Variants in SREK1 observed in about 807,000 individuals in gnomAD.
The protein encoded by SREK1 is splicing regulatory glutamine/lysine-rich protein 1.
A neutral mutation model predicts 66.5 loss-of-function variants in SREK1; 13 were observed. That is an observed-to-expected ratio of 0.20 (90% CI 0.13 to 0.31). SREK1 has a LOEUF of 0.31. Ranked by LOEUF, SREK1 falls within the 10% of genes least tolerant of loss-of-function variation. The pLI, the probability that SREK1 is intolerant of heterozygous loss-of-function variation, is 1.00. For missense variants in SREK1, 607 were observed against 769.6 expected, an observed-to-expected ratio of 0.79 and a Z score of 2.50; for synonymous variants, 265 against 263.5, an observed-to-expected ratio of 1.01 and a Z score of -0.05.
At chr5:66,172,521 G>A (rs1190038369) in intron 9 of SREK1, among the ~76,000 whole-genome samples, 1 of 152,054 alleles carries the variant, frequency 6.6e-6, no homozygotes, top group Non-Finnish European at 1.5e-5. Context: ...TCAGCCTCCC[G>A]AGTAGCTGGG....
In SREK1 at chr5:66,144,362, G is replaced by T. The variant is rs141516910; in HGVS notation, c.-15G>T. 4 of 1,531,454 alleles carry T rather than the reference G, an allele frequency of 2.6e-6. No homozygotes were observed. In the African/African-American group the frequency reaches 5.5e-5, roughly 21 times the overall value. 94.9% of individuals were successfully genotyped at this position (1,531,454 alleles called of 1,614,324 possible). On this transcript the variant is annotated 5_prime_UTR_variant, in exon 1 of 12. Coordinates refer to ENST00000334121, the MANE Select transcript of SREK1 (RefSeq NM_001077199.3). ...AGACGTTGGGGAGCGGGAAGGCAAC[G>T]GCAGCGGGATCGGGATGAACAGCGG...
At chr5:66,163,594 T>A (rs1413557760) in intron 5 of SREK1, 198 bp from the exon 6 acceptor site, 1 of 423,126 alleles carries the variant, frequency 2.4e-6, no homozygotes, top group Non-Finnish European at 4.0e-6. Context: ...TGCTTTTGGT[T>A]GTATTCGCAA....
chr5:66,165,833 G>A (rs943666220), intron 7 of SREK1: 6 of 152,120 alleles, frequency 3.9e-5, no homozygotes, highest in African/African-American at 1.4e-4. Context: ...AAAGGAACCA[G>A]TTTGTTGTAC....
intron 7 of SREK1, chr5:66,166,584 C>T (rs1291399274): frequency 1.3e-5 from 2 of 152,166 alleles, no homozygotes; most frequent in African/African-American, 4.8e-5. Context: ...GATCCTCCCA[C>T]CTCAGCTTCT....
chr5:66,174,423 T>C (rs1337756179), intron 9 of SREK1, among the ~76,000 whole-genome samples: 3 of 152,142 alleles, frequency 2.0e-5, no homozygotes, highest in Non-Finnish European at 2.9e-5. Flanking sequence ...TCTAAAATGA[T>C]AGTAATGTAA....
At position 66,149,149 on chromosome 5, in the gene SREK1, CG is replaced by C. The variant is rs1743535196; in HGVS notation, c.162-4313del. Among the ~76,000 whole-genome samples the C allele has an allele frequency of 2.0e-5, 3 of 152,092 alleles. No individual in the cohort carries two copies. The East Asian group carries it at 5.8e-4, about 29-fold the overall frequency. On this transcript the variant is annotated intron_variant, in intron 1 of 11. Coordinates refer to ENST00000334121, the MANE Select transcript of SREK1 (RefSeq NM_001077199.3). ...CAGGCGGATCACGAGGTCAGGAGTT[CG>C]AGACCTGTCTGGCCAACATAGTGAA... is the stretch of plus-strand genomic sequence containing the variant.
intron 2 of SREK1, chr5:66,156,695 C>T: frequency 1.1e-5 from 11 of 985,010 alleles, no homozygotes; most frequent in Non-Finnish European, 1.3e-5. Context: ...ATATAACAAT[C>T]TGGGAGTAAA....
intron 3 of SREK1, among the ~76,000 whole-genome samples, chr5:66,161,730 G>C (rs556751569): frequency 1.4e-4 from 22 of 152,286 alleles, no homozygotes; most frequent in African/African-American, 5.1e-4. Context: ...TATTTTACTA[G>C]TTAATGTAAA....
At chr5:66,165,068 A>C in intron 7 of SREK1, 171 bp downstream of exon 7, 1 of 529,164 alleles carries the variant, frequency 1.9e-6, no homozygotes, top group Non-Finnish European at 3.1e-6. Flanking sequence ...TTGAGAATGA[A>C]ATTTTGTCTA....
At chr5:66,155,839 A>G (rs899117950) in intron 2 of SREK1, among the ~76,000 whole-genome samples, 5 of 152,226 alleles carry the variant, frequency 3.3e-5, no homozygotes, top group Non-Finnish European at 7.3e-5. Context: ...TCAAAATAAA[A>G]TATGCTTTCA....
Position 66,178,832 on chromosome 5 carries a change from T to A in SREK1, c.1839T>A (p.Asn613Lys). The part of the protein sequence containing the change: ...KIQHNGNCQL[N>K]EENLSTKTEA... ...AGCACAATGGGAATTGTCAGCTGAA[T>A]GAAGAAAACCTCTCTACCAAAACAG... The change falls in exon 12 of 12, where the codon AAT becomes AAA. Residue 613 changes from asparagine to lysine, a missense_variant. Physicochemically the swap from Asn to Lys is moderately conservative, Grantham distance 94. Around this residue, in one of 5 missense-constraint regions of SREK1, gnomAD observed 318 missense variants for 310.3 expected, o/e 1.02. Transcript: ENST00000334121. 6.2e-7 allele frequency: 1 copy of A among 1,612,492 alleles called. No individual in the cohort carries two copies. Among genetic ancestry groups the A allele is most frequent in the Non-Finnish European group, 8.5e-7 (1 of 1,178,878 alleles).
chr5:66,155,042 T>C (rs878940450), intron 2 of SREK1, among the ~76,000 whole-genome samples: 1 of 144,984 alleles, frequency 6.9e-6, no homozygotes, highest in Admixed American at 6.9e-5. Flanking sequence ...TATTACTGAA[T>C]TGGAAGGAAG....
chr5:66,155,498 A>G (rs768142288), intron 2 of SREK1, among the ~76,000 whole-genome samples: 4 of 152,218 alleles, frequency 2.6e-5, no homozygotes, highest in Non-Finnish European at 5.9e-5. Context: ...TATTGTACTA[A>G]AAAAGATAGC....
rs779865082 is a variant in SREK1, at chr5:66,144,314, C to T, written c.-63C>T. 3.0e-6 allele frequency: 4 copies of T among 1,351,464 alleles called. No individual in the cohort carries two copies. The highest frequency in any genetic ancestry group is 2.7e-5 in the East Asian group (1 of 37,182). The allele number at this position is 1,351,464 out of a possible 1,614,324, so 83.7% of individuals were successfully genotyped here. A position where few individuals can be genotyped will look rare whatever the true frequency, so the allele number is the denominator to read the frequency against. On this transcript the variant is annotated 5_prime_UTR_variant, in exon 1 of 12. Transcript: ENST00000334121. ...CGCGGCCGCGCGTTCTCCGCTTTCC[C>T]GGCTCCGTCGCTGACGCGTCGTAGA...
At chr5:66,176,549 T>G (rs1746068751) in intron 10 of SREK1, among the ~76,000 whole-genome samples, 1 of 152,140 alleles carries the variant, frequency 6.6e-6, no homozygotes, top group Non-Finnish European at 1.5e-5. Context: ...TAATAAAGAT[T>G]CATGATGACA....
intron 7 of SREK1, chr5:66,165,907 T>A (rs1238596081): frequency 6.6e-6 from 1 of 152,126 alleles, no homozygotes; most frequent in African/African-American, 2.4e-5. Context: ...TCAAGGAGAT[T>A]CAAAGAATGA....
In SREK1 at chr5:66,170,937, A is replaced by C; in HGVS notation, c.1474A>C (p.Ser492Arg). The change falls in exon 9 of 12, where the codon AGT becomes CGT. Residue 492 changes from serine to arginine, a missense_variant. Physicochemically the swap from Ser to Arg is moderately radical, Grantham distance 110. This residue lies in a region of SREK1 where 318 missense variants were observed against 310.3 expected (regional missense o/e 1.02). Transcript: ENST00000334121. ...TTACAATGCATCGCGAAGATCTCGT[A>C]GTTCCAGCAGGTTTGATAATGCTTA... ...RSYNASRRSR[S>R]SSRERRRRRS... 1 of 1,601,240 alleles carries C rather than the reference A, an allele frequency of 6.2e-7. No homozygotes were observed. The highest frequency in any genetic ancestry group is 8.5e-7 in the Non-Finnish European group (1 of 1,176,042).
chr5:66,148,114 C>T (rs1387729798), intron 1 of SREK1, among the ~76,000 whole-genome samples: 1 of 151,944 alleles, frequency 6.6e-6, no homozygotes, highest in African/African-American at 2.4e-5. Context: ...GGCCTGTTGG[C>T]ATTTAGTGGG....
At chr5:66,145,102 G>A (rs1270598662) in intron 1 of SREK1, 2 of 985,612 alleles carry the variant, frequency 2.0e-6, no homozygotes, top group South Asian at 4.7e-5. Flanking sequence ...TGTTCCCAAA[G>A]ATCATGTCTG....
Sources: gnomAD v4.1 joint callset for allele counts (sites outside exome capture counted in the v4.1 genomes callset) on GRCh38, gnomAD v4.1.1 for gene constraint, gnomAD v4.1.1 regional missense constraint, MANE v1.5 for transcripts, NCBI Gene and HGNC (gene_info 2026-07-23, HGNC 2026-07-21) for gene names.